Variants in MAS1 observed in about 807,000 individuals in gnomAD.
The protein encoded by MAS1 is proto-oncogene Mas.
For missense variants in MAS1, 387 were observed against 409.7 expected, an observed-to-expected ratio of 0.94 and a Z score of 0.48; for synonymous variants, 163 against 164.2, an observed-to-expected ratio of 0.99 and a Z score of 0.05.
chr6:159,916,575 A>G lies in MAS1; in HGVS notation c.*8642A>G, dbSNP rs1037360852. On this transcript the variant is annotated 3_prime_UTR_variant, in exon 3 of 3. Transcript: ENST00000674077. ...TGTTTCTCAGGATGCTGGGCAGCCC[A>G]TGGCCCCGAGACAGGTGCCAAGTCA... 10 of 152,336 alleles carry G rather than the reference A, an allele frequency of 6.6e-5. No homozygotes were observed. Among genetic ancestry groups the G allele is most frequent in the Admixed American group, 6.5e-4 (10 of 15,302 alleles). 9.4% of individuals were successfully genotyped at this position (152,336 alleles called of 1,614,324 possible). A position where few individuals can be genotyped will look rare whatever the true frequency, so the allele number is the denominator to read the frequency against.
chr6:159,898,691 C>T (rs1402884843), intron 1 of MAS1, among the ~76,000 whole-genome samples: 2 of 127,312 alleles, frequency 1.6e-5, no homozygotes, highest in Non-Finnish European at 3.5e-5. Flanking sequence ...CCTCCCTCTT[C>T]CTCCTCCTTC....
In MAS1 at chr6:159,908,009, G is replaced by A. The variant is rs929419520; in HGVS notation, c.*76G>A. On this transcript the variant is annotated 3_prime_UTR_variant, in exon 3 of 3. Coordinates refer to ENST00000674077, the MANE Select transcript of MAS1 (RefSeq NM_002377.4). ...AGTTTGTGCTTGGAATATGACTTAA[G>A]TATCTCCTAAATGTGATACAGAAGA... 96 of 1,461,746 alleles carry A rather than the reference G, an allele frequency of 6.6e-5. No individual in the cohort carries two copies. The South Asian group carries it at 1.1e-3, about 17-fold the overall frequency. 90.5% of individuals were successfully genotyped at this position (1,461,746 alleles called of 1,614,324 possible).
chr6:159,898,139 G>C (rs1782774920), intron 1 of MAS1, among the ~76,000 whole-genome samples: 1 of 151,990 alleles, frequency 6.6e-6, no homozygotes, highest in African/African-American at 2.4e-5. Flanking sequence ...TAATTTGCCT[G>C]CCTCAGTCTC....
In MAS1 at chr6:159,915,453, CT is replaced by C. The variant is rs1318144995; in HGVS notation, c.*7523del. On this transcript the variant is annotated 3_prime_UTR_variant, in exon 3 of 3. Transcript: ENST00000674077. ...GCAGTCTGATTGAGGTCTTCAGCAT[CT>C]TTGCAAGGTGCCCTGGTTGAGGTTA... 3.3e-5 allele frequency: 5 copies of C among 152,258 alleles called. No individual in the cohort carries two copies. Among genetic ancestry groups the C allele is most frequent in the Admixed American group, 3.3e-4 (5 of 15,288 alleles). 9.4% of individuals were successfully genotyped at this position (152,258 alleles called of 1,614,324 possible). A position where few individuals can be genotyped will look rare whatever the true frequency, so the allele number is the denominator to read the frequency against.
At chr6:159,898,151 C>T (rs763503230) in intron 1 of MAS1, among the ~76,000 whole-genome samples, 1 of 152,076 alleles carries the variant, frequency 6.6e-6, no homozygotes, top group Non-Finnish European at 1.5e-5. Context: ...CTCAGTCTCC[C>T]AAAGTGCTGG....
At chr6:159,901,231 G>A (rs188681459) in intron 2 of MAS1, among the ~76,000 whole-genome samples, 65 of 152,258 alleles carry the variant, frequency 4.3e-4, no homozygotes, top group South Asian at 4.1e-3. Flanking sequence ...CCCTATCACC[G>A]AATAGAGTCA....
At position 159,916,579 on chromosome 6, in the gene MAS1, C is replaced by T. The variant is rs1299843204; in HGVS notation, c.*8646C>T. 1 of 152,184 alleles carries T rather than the reference C, an allele frequency of 6.6e-6. No individual in the cohort carries two copies. Among genetic ancestry groups the T allele is most frequent in the South Asian group, 2.1e-4 (1 of 4,828 alleles). 9.4% of individuals were successfully genotyped at this position (152,184 alleles called of 1,614,324 possible). On this transcript the variant is annotated 3_prime_UTR_variant, in exon 3 of 3. Coordinates refer to ENST00000674077, the MANE Select transcript of MAS1 (RefSeq NM_002377.4). ...TCTCAGGATGCTGGGCAGCCCATGG[C>T]CCCGAGACAGGTGCCAAGTCAATAC...
At chr6:159,891,862 C>CT (rs1782702356) in intron 1 of MAS1, among the ~76,000 whole-genome samples, 1 of 152,166 alleles carries the variant, frequency 6.6e-6, no homozygotes, top group Non-Finnish European at 1.5e-5. Flanking sequence ...AAGCTGGCCT[C>CT]TAGCAGAGTG....
chr6:159,905,623 C>A (rs1782876265), intron 2 of MAS1, among the ~76,000 whole-genome samples: 1 of 152,214 alleles, frequency 6.6e-6, no homozygotes, highest in African/African-American at 2.4e-5. Flanking sequence ...TGGGGCTCTG[C>A]TGACTTGATT....
rs1782935606 is a variant in MAS1, at chr6:159,909,098, C to CA, written c.*1166dup. The CA allele has an allele frequency of 2.6e-5, 4 of 152,078 alleles. No homozygotes were observed. In the South Asian group the frequency reaches 8.3e-4, roughly 32 times the overall value. The allele number at this position is 152,078 out of a possible 1,614,324, so 9.4% of individuals were successfully genotyped here. On this transcript the variant is annotated 3_prime_UTR_variant, in exon 3 of 3. Coordinates refer to ENST00000674077, the MANE Select transcript of MAS1 (RefSeq NM_002377.4). ...ATGACAGATCCTTGCATGACTTCCT[C>CA]AGAATCTTTACTCAGCACTCCAGGG...
At chr6:159,894,691 C>G (rs1001739793) in intron 1 of MAS1, among the ~76,000 whole-genome samples, 5 of 152,184 alleles carry the variant, frequency 3.3e-5, no homozygotes, top group African/African-American at 1.2e-4. Flanking sequence ...GCTGAGAGCG[C>G]TGCGCTGTTG....
intron 2 of MAS1, among the ~76,000 whole-genome samples, chr6:159,903,965 T>C (rs1339281541): frequency 1.3e-5 from 2 of 152,132 alleles, no homozygotes; most frequent in African/African-American, 4.8e-5. Flanking sequence ...ATGGCTCCAC[T>C]CCCATGGTCA....
chr6:159,907,062 A>C lies in MAS1; in HGVS notation c.107A>C (p.His36Pro). The change falls in exon 3 of 3, where the codon CAC becomes CCC. Residue 36 changes from histidine (H) to proline (P), a missense_variant. Physicochemically the swap from His to Pro is moderately conservative, Grantham distance 77 (BLOSUM62 -2). Transcript: ENST00000674077. Reference sequence around the variant, plus strand: ...GCACATCGGCAAATCCCCATCGTGCACTGGGTCATTATGAGCATCTCCCCA... The same window carrying C: ...GCACATCGGCAAATCCCCATCGTGCCCTGGGTCATTATGAGCATCTCCCCA... The part of the protein sequence containing the change: ...GNAHRQIPIV[H>P]WVIMSISPVG... 6.2e-7 allele frequency: 1 copy of C among 1,614,194 alleles called. No homozygotes were observed. Among genetic ancestry groups the C allele is most frequent in the Non-Finnish European group, 8.5e-7 (1 of 1,180,004 alleles).
rs186659944 is a variant in MAS1 at position 159,912,249 on chromosome 6, G to A, written c.*4316G>A. The A allele has an allele frequency of 6.6e-6, 1 of 152,228 alleles. No homozygotes were observed. The highest frequency in any genetic ancestry group is 1.5e-5 in the Non-Finnish European group (1 of 68,048). 9.4% of individuals were successfully genotyped at this position (152,228 alleles called of 1,614,324 possible). A position where few individuals can be genotyped will look rare whatever the true frequency, so the allele number is the denominator to read the frequency against. On this transcript the variant is annotated 3_prime_UTR_variant, in exon 3 of 3. Coordinates refer to ENST00000674077, the MANE Select transcript of MAS1 (RefSeq NM_002377.4). ...CTGCCTTCATGGAGTTGTTTAAGGA[G>A]CACTTAGAAGATGCTTTACGGGCAT...
intron 1 of MAS1, among the ~76,000 whole-genome samples, chr6:159,898,941 G>A (rs1462552318): frequency 1.3e-5 from 2 of 152,308 alleles, no homozygotes; most frequent in East Asian, 3.9e-4. Flanking sequence ...GACCCAGGGA[G>A]CACCAGACAC....
In MAS1 at chr6:159,910,896, A is replaced by G. The variant is rs1410125391; in HGVS notation, c.*2963A>G. 2 of 152,220 alleles carry G rather than the reference A, an allele frequency of 1.3e-5. No homozygotes were observed. Among genetic ancestry groups the G allele is most frequent in the Admixed American group, 6.5e-5 (1 of 15,278 alleles). The allele number at this position is 152,220 out of a possible 1,614,324, so 9.4% of individuals were successfully genotyped here. On this transcript the variant is annotated 3_prime_UTR_variant, in exon 3 of 3. Transcript: ENST00000674077. ...GAAGGTGAGTAACTTCCACAGTGTC[A>G]AATCTGATGGGCTGTTTTCTACCTA...
At position 159,907,215 on chromosome 6, in the gene MAS1, T is replaced by G. The variant is rs367886712; in HGVS notation, c.260T>G (p.Leu87Trp). The change falls in exon 3 of 3, where the codon TTG (leucine) becomes TGG (tryptophan). Residue 87 changes from leucine (L) to tryptophan (W), a missense_variant. Physicochemically the swap from Leu to Trp is moderately conservative, Grantham distance 61. Transcript: ENST00000674077. ...TCACTGCTCTTCTGTATTTTCATCT[T>G]GTCTATCGACTATGCTTTAGATTAT... is the stretch of plus-strand genomic sequence containing the variant. ...DISLLFCIFI[L>W]SIDYALDYEL... 6.2e-7 allele frequency: 1 copy of G among 1,614,264 alleles called. No homozygotes were observed. The highest frequency in any genetic ancestry group is 2.2e-5 in the East Asian group (1 of 44,890).
chr6:159,904,200 T>G (rs779820584), intron 2 of MAS1, among the ~76,000 whole-genome samples: 2 of 152,122 alleles, frequency 1.3e-5, no homozygotes, highest in African/African-American at 4.8e-5. Context: ...TCCTTGAATG[T>G]CTTCTCCTTT....
At chr6:159,892,258 A>G (rs73015619) in intron 1 of MAS1, among the ~76,000 whole-genome samples, 1 of 152,022 alleles carries the variant, frequency 6.6e-6, no homozygotes, top group Non-Finnish European at 1.5e-5. Flanking sequence ...CATCTCACAA[A>G]TGGGTTTCTG....
Sources: gnomAD v4.1 joint callset for allele counts (sites outside exome capture counted in the v4.1 genomes callset) on GRCh38, gnomAD v4.1.1 for gene constraint, MANE v1.5 for transcripts, NCBI Gene and HGNC (gene_info 2026-07-23, HGNC 2026-07-21) for gene names.